The following NDUFAF2 variants were observed in gnomAD, a reference collection of about 807,000 sequenced individuals.
NDUFAF2 encodes NADH:ubiquinone oxidoreductase complex assembly factor 2.
In NDUFAF2, 13 loss-of-function variants were observed where a neutral mutation model predicts 22.8. The observed-to-expected ratio is 0.57, with a 90% CI of 0.37 to 0.91. NDUFAF2 has a LOEUF of 0.91. Among genes scored for constraint, NDUFAF2 ranks in the 40% least tolerant of loss-of-function variants. The pLI is 0.01. For missense variants in NDUFAF2, 162 were observed against 195.2 expected, an observed-to-expected ratio of 0.83 and a Z score of 1.01; for synonymous variants, 53 against 64.2, an observed-to-expected ratio of 0.83 and a Z score of 0.84.
intron 3 of NDUFAF2, among the ~76,000 whole-genome samples, chr5:61,136,007 A>T (rs1203117266): frequency 6.7e-5 from 1 of 14,890 alleles, no homozygotes; most frequent in Non-Finnish European, 1.4e-4. Flanking sequence ...GCCTGTCTTT[A>T]TATATATATA....
intron 1 of NDUFAF2, among the ~76,000 whole-genome samples, chr5:61,054,650 CAT>C (rs1282855674): frequency 6.6e-6 from 1 of 152,186 alleles, no homozygotes; most frequent in African/African-American, 2.4e-5. Context: ...AAAGTGACTT[CAT>C]ATTGACAGAC....
At chr5:60,975,225 T>C (rs1456833661) in intron 1 of NDUFAF2, among the ~76,000 whole-genome samples, 1 of 152,178 alleles carries the variant, frequency 6.6e-6, no homozygotes, top group Non-Finnish European at 1.5e-5. Flanking sequence ...TTAAGGATAT[T>C]GTGTTACGAC....
intron 3 of NDUFAF2, 29 bp downstream of exon 3, chr5:61,099,061 A>G: frequency 6.5e-7 from 1 of 1,535,796 alleles, no homozygotes; most frequent in Non-Finnish European, 8.9e-7. Context: ...GATATCATTT[A>G]GGAGTATATA....
chr5:60,987,441 T>C (rs1751097532), intron 1 of NDUFAF2, among the ~76,000 whole-genome samples: 1 of 152,208 alleles, frequency 6.6e-6, no homozygotes, highest in South Asian at 2.1e-4. Context: ...ACCAGTGTTA[T>C]TCTGATACCA....
chr5:61,046,468 C>A (rs574423294), intron 1 of NDUFAF2, among the ~76,000 whole-genome samples: 33 of 152,124 alleles, frequency 2.2e-4, no homozygotes, highest in Middle Eastern at 3.4e-3. Context: ...GATTTACTCT[C>A]CTGACTCATT....
rs1261695501 is a variant in NDUFAF2 at position 61,083,845 on chromosome 5, GAT to G, written c.217+10634_217+10635del. Among the ~76,000 whole-genome samples the G allele has an allele frequency of 2.6e-5, 4 of 151,704 alleles. 1 individual carries two copies. The highest frequency in any genetic ancestry group is 5.9e-5 in the Non-Finnish European group (4 of 67,762). On this transcript the variant is annotated intron_variant, in intron 2 of 3. Transcript: ENST00000296597. ...GTATATCAACTGTGTACTTTTAAGT[GAT>G]ATTGTTAAACTCACTTATCAATTGT... is the stretch of plus-strand genomic sequence containing the variant.
At chr5:61,008,451 G>A (rs1561540779) in intron 1 of NDUFAF2, among the ~76,000 whole-genome samples, 1 of 152,106 alleles carries the variant, frequency 6.6e-6, no homozygotes, top group Admixed American at 6.6e-5. Flanking sequence ...TCCAAAATTT[G>A]TATGGAGCTT....
chr5:61,019,667 T>C (rs1179769805), intron 1 of NDUFAF2, among the ~76,000 whole-genome samples: 5 of 152,100 alleles, frequency 3.3e-5, no homozygotes, highest in South Asian at 2.1e-4. Context: ...ATATAAATTT[T>C]GTTTTTTTCA....
chr5:60,968,701 T>G (rs1278773700), intron 1 of NDUFAF2, among the ~76,000 whole-genome samples: 1 of 152,110 alleles, frequency 6.6e-6, no homozygotes, highest in Non-Finnish European at 1.5e-5. Flanking sequence ...TCATCTGTAC[T>G]GTGAACAATT....
intron 2 of NDUFAF2, among the ~76,000 whole-genome samples, chr5:61,081,086 C>T (rs1277268603): frequency 6.6e-6 from 1 of 152,118 alleles, no homozygotes; most frequent in African/African-American, 2.4e-5. Context: ...TAAATGACCA[C>T]TATTTTTTCC....
At chr5:61,033,274 A>T (rs1751751901) in intron 1 of NDUFAF2, among the ~76,000 whole-genome samples, 1 of 152,160 alleles carries the variant, frequency 6.6e-6, no homozygotes, top group African/African-American at 2.4e-5. Flanking sequence ...TGACTTTAAA[A>T]AGTTGGGCTT....
chr5:60,995,055 C>A (rs1024678651), intron 1 of NDUFAF2, among the ~76,000 whole-genome samples: 1 of 152,042 alleles, frequency 6.6e-6, no homozygotes, highest in South Asian at 2.1e-4. Flanking sequence ...TTATTTCACT[C>A]TCTTTGTGAA....
intron 1 of NDUFAF2, among the ~76,000 whole-genome samples, chr5:60,981,588 AC>A (rs1448727020): frequency 6.6e-6 from 1 of 152,234 alleles, no homozygotes; most frequent in Non-Finnish European, 1.5e-5. Context: ...AAGTAGAAAG[AC>A]AAAAAGATGA....
At chr5:61,080,663 A>G (rs889757745) in intron 2 of NDUFAF2, among the ~76,000 whole-genome samples, 14 of 152,016 alleles carry the variant, frequency 9.2e-5, no homozygotes, top group Admixed American at 9.2e-4. Flanking sequence ...TCTTTGGTGT[A>G]CTTTTATATC....
intron 1 of NDUFAF2, among the ~76,000 whole-genome samples, chr5:61,000,249 A>T (rs1331375281): frequency 6.6e-6 from 1 of 152,060 alleles, no homozygotes; most frequent in Non-Finnish European, 1.5e-5. Flanking sequence ...ATAGAAAATG[A>T]GTAGATTTAG....
Position 60,945,563 on chromosome 5 carries a change from G to T in NDUFAF2, c.127+181G>T, listed in dbSNP as rs773080678. 4.2e-6 allele frequency: 4 copies of T among 953,706 alleles called. No individual in the cohort carries two copies. The South Asian group carries it at 4.5e-5, about 11-fold the overall frequency. 59.1% of individuals were successfully genotyped at this position (953,706 alleles called of 1,614,324 possible). ...TCACTCTGGCATCGGAGCCCTACCC[G>T]GCCCGGCTCTGGGCGCCTTGGCCCG... On this transcript the variant is annotated intron_variant, in intron 1 of 3. Coordinates refer to ENST00000296597, the MANE Select transcript of NDUFAF2 (RefSeq NM_174889.5).
intron 1 of NDUFAF2, among the ~76,000 whole-genome samples, chr5:60,964,701 C>T (rs1750731697): frequency 6.6e-6 from 1 of 152,094 alleles, no homozygotes; most frequent in Admixed American, 6.5e-5. Context: ...ATCTGCCTGC[C>T]TTGGCCTACC....
chr5:61,114,323 T>G (rs1379433169), intron 3 of NDUFAF2: 1 of 152,224 alleles, frequency 6.6e-6, no homozygotes, highest in Admixed American at 6.5e-5. Flanking sequence ...GAGACTCTGA[T>G]GCATTCTTCA....
chr5:61,142,098 A>G (rs1409127562), intron 3 of NDUFAF2, among the ~76,000 whole-genome samples: 1 of 152,166 alleles, frequency 6.6e-6, no homozygotes, highest in Admixed American at 6.5e-5. Context: ...CAAGGGAGCA[A>G]GGTTTTCTTT....
Sources: gnomAD v4.1 joint callset for allele counts (sites outside exome capture counted in the v4.1 genomes callset) on GRCh38, gnomAD v4.1.1 for gene constraint, MANE v1.5 for transcripts, NCBI Gene and HGNC (gene_info 2026-07-23, HGNC 2026-07-21) for gene names.